LRRC37A2: variants seen among roughly 807,000 people sequenced by gnomAD.
The protein encoded by LRRC37A2 is leucine-rich repeat-containing protein 37A2.
In LRRC37A2, 9 loss-of-function variants were observed where a neutral mutation model predicts 68.8. The observed-to-expected ratio is 0.13, with a 90% CI of 0.08 to 0.23. The LOEUF (loss-of-function observed/expected upper bound fraction) is 0.23, where lower values mean the gene tolerates loss of function less well. Ranked by LOEUF, LRRC37A2 falls within the 10% of genes least tolerant of loss-of-function variation. The probability of loss-of-function intolerance (pLI) is 1.00; values close to 1 mark genes in which losing one functional copy is unlikely to be tolerated. For synonymous variants in LRRC37A2, 63 were observed against 367.6 expected, an observed-to-expected ratio of 0.17 and a Z score of 9.48; for missense variants, 168 against 950.4, an observed-to-expected ratio of 0.18 and a Z score of 10.82.
chr17:46,916,338 C>A, the LRRC37A2 span, among the ~76,000 whole-genome samples: 1 of 152,188 alleles, frequency 6.6e-6, no homozygotes, highest in Non-Finnish European at 1.5e-5. Flanking sequence ...TCTTGCTCCA[C>A]CCATGGGCCC....
chr17:46,871,351 G>A, the LRRC37A2 span, among the ~76,000 whole-genome samples: 1 of 152,152 alleles, frequency 6.6e-6, no homozygotes, highest in Non-Finnish European at 1.5e-5. Flanking sequence ...AACCAGCAGA[G>A]CCATCTCACA....
At chr17:46,779,967 C>G in the LRRC37A2 span, among the ~76,000 whole-genome samples, 5 of 152,160 alleles carry the variant, frequency 3.3e-5, no homozygotes, top group African/African-American at 1.2e-4. Flanking sequence ...CAATATTGGC[C>G]AGGCTGGTCT....
chr17:46,896,776 C>T, the LRRC37A2 span, among the ~76,000 whole-genome samples: 2 of 152,184 alleles, frequency 1.3e-5, no homozygotes, highest in African/African-American at 4.8e-5. Flanking sequence ...CAGTCCTTGC[C>T]ACTCACTGTC....
the LRRC37A2 span, among the ~76,000 whole-genome samples, chr17:46,392,213 C>CT: frequency 0.27 from 16,241 of 59,260 alleles, 688 homozygotes; most frequent in Non-Finnish European, 0.43. Flanking sequence ...TTTCTTTTTT[C>CT]TTTTTTTTTT....
At chr17:46,923,137 T>G in the LRRC37A2 span, 1 of 1,210,124 alleles carries the variant, frequency 8.3e-7, no homozygotes, top group Non-Finnish European at 1.2e-6. Context: ...AGGGGGGCTG[T>G]GAGGACGTGT....
the LRRC37A2 span, chr17:47,021,885 G>A: frequency 7.2e-6 from 11 of 1,527,194 alleles, no homozygotes; most frequent in Non-Finnish European, 9.1e-6. Flanking sequence ...TACATTGATG[G>A]AAATGTATGG....
At chr17:46,739,628 C>A in the LRRC37A2 span, among the ~76,000 whole-genome samples, 35 of 151,936 alleles carry the variant, frequency 2.3e-4, no homozygotes, top group African/African-American at 8.2e-4. Context: ...TCCTGTGGGC[C>A]CCTTCCTCTA....
chr17:46,999,516 T>G, the LRRC37A2 span, among the ~76,000 whole-genome samples: 1 of 152,150 alleles, frequency 6.6e-6, no homozygotes, highest in Non-Finnish European at 1.5e-5. Flanking sequence ...GCCTGGCTAA[T>G]TTTTGTAATT....
the LRRC37A2 span, among the ~76,000 whole-genome samples, chr17:46,900,295 G>A: frequency 6.7e-6 from 1 of 150,258 alleles, no homozygotes; most frequent in African/African-American, 2.5e-5. Flanking sequence ...CTGTTGCCCA[G>A]GCTGGAGTGG....
chr17:46,931,396 G>T, the LRRC37A2 span: 1 of 614,362 alleles, frequency 1.6e-6, no homozygotes. Context: ...AATAGCCTGT[G>T]AGGTTTGTGA....
chr17:46,699,402 GACACACACACAC>G, the LRRC37A2 span, among the ~76,000 whole-genome samples: 3 of 148,216 alleles, frequency 2.0e-5, no homozygotes, highest in African/African-American at 7.4e-5. Context: ...ATAAACTGAG[GACACACACACAC>G]ACACACACAC....
the LRRC37A2 span, among the ~76,000 whole-genome samples, chr17:46,976,258 C>T: frequency 6.7e-6 from 1 of 149,278 alleles, no homozygotes; most frequent in Admixed American, 6.7e-5. Flanking sequence ...TTTGGCTGGG[C>T]GCAGTGGCTG....
chr17:46,986,993 C>T, the LRRC37A2 span, among the ~76,000 whole-genome samples: 1 of 152,248 alleles, frequency 6.6e-6, no homozygotes, highest in African/African-American at 2.4e-5. Context: ...CACCTGTAAT[C>T]CCAGCACTTT....
chr17:47,000,114 A>AAT, the LRRC37A2 span, among the ~76,000 whole-genome samples: 11 of 142,348 alleles, frequency 7.7e-5, no homozygotes, highest in East Asian at 2.7e-3. Context: ...AATAAAATAA[A>AAT]ATAAAATAAA....
At chr17:46,534,760 C>G (rs2054346775) in intron 6 of LRRC37A2, among the ~76,000 whole-genome samples, 3 of 150,070 alleles carry the variant, frequency 2.0e-5, no homozygotes, top group African/African-American at 7.6e-5. Flanking sequence ...CCTCACTTCC[C>G]AGAAGGGGCA....
At chr17:46,769,426 C>T in the LRRC37A2 span, among the ~76,000 whole-genome samples, 3 of 152,172 alleles carry the variant, frequency 2.0e-5, no homozygotes, top group Non-Finnish European at 2.9e-5. Context: ...CTAGATCATA[C>T]AAGCATAGTA....
the LRRC37A2 span, among the ~76,000 whole-genome samples, chr17:46,802,314 G>A: frequency 6.6e-6 from 1 of 152,138 alleles, no homozygotes; most frequent in African/African-American, 2.4e-5. Context: ...CTCCCTGGCT[G>A]GAGTGCAGTG....
At chr17:46,490,597 G>A in the LRRC37A2 span, among the ~76,000 whole-genome samples, 5 of 150,120 alleles carry the variant, frequency 3.3e-5, 1 homozygote, top group African/African-American at 5.0e-5. Context: ...GGTGGTAGGC[G>A]CCTGTAGTCC....
chr17:46,926,215 G>A, the LRRC37A2 span, among the ~76,000 whole-genome samples: 1 of 152,174 alleles, frequency 6.6e-6, no homozygotes, highest in South Asian at 2.1e-4. Context: ...TGAGCGAAAT[G>A]TAAAGGCAAA....
Sources: allele counts gnomAD v4.1 joint callset (sites outside exome capture counted in the v4.1 genomes callset), GRCh38; gene constraint gnomAD v4.1.1; transcripts MANE v1.5; gene names NCBI Gene and HGNC (gene_info 2026-07-23, HGNC 2026-07-21).